Variants in GPC5 observed in about 807,000 individuals in gnomAD.
GPC5 encodes glypican 5, also known as glypican-5.
A neutral mutation model predicts 53.9 loss-of-function variants in GPC5; 47 were observed. The observed-to-expected ratio is 0.87, with a 90% CI of 0.69 to 1.11. GPC5 has a LOEUF of 1.11. Among genes scored for constraint, GPC5 ranks in the 50% most tolerant of loss-of-function variants. GPC5 has a pLI of 0.00. For missense variants in GPC5, 748 were observed against 713.1 expected (o/e 1.05, Z -0.56); for synonymous variants, 286 against 263.3 (o/e 1.09, Z -0.84).
chr13:91,455,230 TTG>T (rs1461929060), intron 2 of GPC5, among the ~76,000 whole-genome samples: 2 of 152,104 alleles, frequency 1.3e-5, no homozygotes, highest in Non-Finnish European at 2.9e-5. Context: ...AGAAGCACAA[TTG>T]TGGTTTATAG....
chr13:92,086,461 A>G (rs968099412), intron 6 of GPC5, among the ~76,000 whole-genome samples: 2 of 152,232 alleles, frequency 1.3e-5, no homozygotes, highest in Admixed American at 6.5e-5. Flanking sequence ...CTCATCAGGA[A>G]TGATGACATC....
chr13:91,784,492 A>G (rs1288007907), intron 5 of GPC5, among the ~76,000 whole-genome samples: 6 of 152,140 alleles, frequency 3.9e-5, no homozygotes, highest in Admixed American at 3.9e-4. Context: ...CGGGAGGCCA[A>G]GGTGGGCAGA....
intron 6 of GPC5, among the ~76,000 whole-genome samples, chr13:92,008,179 C>T (rs987763129): frequency 1.3e-5 from 2 of 150,570 alleles, no homozygotes; most frequent in East Asian, 4.0e-4. Flanking sequence ...TCTCCTGCTT[C>T]AGCCTCCTGA....
intron 7 of GPC5, among the ~76,000 whole-genome samples, chr13:92,353,959 G>T (rs1349236026): frequency 6.6e-6 from 1 of 152,174 alleles, no homozygotes; most frequent in Non-Finnish European, 1.5e-5. Flanking sequence ...TGAAATACGT[G>T]TCTTTTTTGT....
intron 7 of GPC5, among the ~76,000 whole-genome samples, chr13:92,273,468 G>A (rs2042853846): frequency 6.6e-6 from 1 of 151,996 alleles, no homozygotes; most frequent in Admixed American, 6.6e-5. Flanking sequence ...CAGGGATAAG[G>A]TGTGTAAAGT....
At chr13:91,603,695 T>A (rs563972145) in intron 2 of GPC5, among the ~76,000 whole-genome samples, 1 of 152,340 alleles carries the variant, frequency 6.6e-6, no homozygotes, top group South Asian at 2.1e-4. Context: ...TAGAGAGTCA[T>A]TTACTCTTTT....
At chr13:92,557,226 A>T (rs991729543) in intron 7 of GPC5, among the ~76,000 whole-genome samples, 1 of 151,852 alleles carries the variant, frequency 6.6e-6, no homozygotes, top group Non-Finnish European at 1.5e-5. Flanking sequence ...CTCTCAATCC[A>T]GCTTGATCAG....
intron 2 of GPC5, among the ~76,000 whole-genome samples, chr13:91,516,052 T>C (rs1464710543): frequency 6.6e-6 from 1 of 152,084 alleles, no homozygotes; most frequent in African/African-American, 2.4e-5. Flanking sequence ...TCCCCCTTGG[T>C]CCCTCCCACA....
chr13:91,808,029 T>C (rs1234384508), intron 5 of GPC5, among the ~76,000 whole-genome samples: 1 of 152,160 alleles, frequency 6.6e-6, no homozygotes, highest in Non-Finnish European at 1.5e-5. Context: ...TCAGAAAATC[T>C]GAATTTAAGA....
At chr13:91,399,322 C>A in intron 1 of GPC5, 113 bp downstream of exon 1, 1 of 1,295,288 alleles carries the variant, frequency 7.7e-7, no homozygotes, top group Non-Finnish European at 1.0e-6. Flanking sequence ...CCTGCAGCCG[C>A]GCAGGGTGAA....
Position 91,922,949 on chromosome 13 carries a change from TACC to T in GPC5, c.1401+14896_1401+14898del, listed in dbSNP as rs2039730707. 2.6e-5 allele frequency among the ~76,000 whole-genome samples: 4 copies of T among 152,340 alleles called. No individual in the cohort carries two copies. In the South Asian group the frequency reaches 8.3e-4, roughly 32 times the overall value. ...GGGTGTTAACTTAAATTCATAGTTC[TACC>T]ACCCTCCATTGAATTCTGGGATCGT... On this transcript the variant is annotated intron_variant, in intron 6 of 7. Coordinates refer to ENST00000377067, the MANE Select transcript of GPC5 (RefSeq NM_004466.6).
At chr13:92,112,720 C>T (rs776385577) in intron 6 of GPC5, among the ~76,000 whole-genome samples, 28 of 151,962 alleles carry the variant, frequency 1.8e-4, no homozygotes, top group Non-Finnish European at 2.8e-4. Flanking sequence ...TCATTTGTGT[C>T]CATGTGCATG....
intron 5 of GPC5, among the ~76,000 whole-genome samples, chr13:91,829,321 A>G (rs1317966293): frequency 1.3e-5 from 2 of 152,110 alleles, no homozygotes; most frequent in Non-Finnish European, 1.5e-5. Flanking sequence ...AATTCATATT[A>G]GAGACTAAAG....
At chr13:91,943,988 A>G (rs1302561751) in intron 6 of GPC5, among the ~76,000 whole-genome samples, 1 of 152,166 alleles carries the variant, frequency 6.6e-6, no homozygotes, top group Non-Finnish European at 1.5e-5. Flanking sequence ...GGTTCCCCAC[A>G]ATGAGTGGCA....
chr13:91,579,259 C>T (rs1014085713), intron 2 of GPC5, among the ~76,000 whole-genome samples: 13 of 152,124 alleles, frequency 8.5e-5, no homozygotes, highest in Middle Eastern at 3.2e-3. Flanking sequence ...CCCTTTGGCC[C>T]GGCATGTCCT....
chr13:92,163,460 C>CAAAAAAAAAAAAA, intron 7 of GPC5, among the ~76,000 whole-genome samples: 1 of 90,362 alleles, frequency 1.1e-5, no homozygotes, highest in Admixed American at 1.2e-4. Context: ...GATTCCATCT[C>CAAAAAAAAAAAAA]AAAAAAAAAA....
chr13:91,744,635 G>C (rs570864798), intron 4 of GPC5, among the ~76,000 whole-genome samples: 2 of 152,082 alleles, frequency 1.3e-5, no homozygotes, highest in East Asian at 1.9e-4. Context: ...AATAAAGAAG[G>C]CTTTTCATTG....
intron 7 of GPC5, among the ~76,000 whole-genome samples, chr13:92,306,712 T>C (rs2043113089): frequency 6.6e-6 from 1 of 152,218 alleles, no homozygotes; most frequent in Admixed American, 6.6e-5. Context: ...TGGAGCTTGA[T>C]TGTTCAGAGT....
At chr13:91,928,981 T>C (rs553887653) in intron 6 of GPC5, among the ~76,000 whole-genome samples, 5 of 152,182 alleles carry the variant, frequency 3.3e-5, no homozygotes, top group Non-Finnish European at 7.4e-5. Context: ...CAAGTATAAG[T>C]AGGTTTCAAA....
Sources: allele counts gnomAD v4.1 joint callset (sites outside exome capture counted in the v4.1 genomes callset), GRCh38; gene constraint gnomAD v4.1.1; transcripts MANE v1.5; gene names NCBI Gene and HGNC (gene_info 2026-07-23, HGNC 2026-07-21).